The following TUB variants were observed in gnomAD, a reference collection of about 807,000 sequenced individuals.
TUB encodes TUB bipartite transcription factor, also known as tubby protein homolog.
Under a neutral mutation model 59.7 loss-of-function variants are expected in TUB, and 33 were observed. The observed-to-expected ratio is 0.55, with a 90% CI of 0.42 to 0.74. The LOEUF (loss-of-function observed/expected upper bound fraction) is 0.74. TUB is among the 30% of genes least tolerant of loss of function. The probability of loss-of-function intolerance (pLI) is 0.00; values close to 1 mark genes in which losing one functional copy is unlikely to be tolerated. For missense variants in TUB, 659 were observed against 672.0 expected, an observed-to-expected ratio of 0.98 and a Z score of 0.21; for synonymous variants, 293 against 256.4, an observed-to-expected ratio of 1.14 and a Z score of -1.36.
chr11:8,075,862 G>C (rs1943440421), intron 2 of TUB: 1 of 152,276 alleles, frequency 6.6e-6, no homozygotes, highest in Non-Finnish European at 1.5e-5. Context: ...AGGTAGGAGA[G>C]GAGATGGTTG....
intron 9 of TUB, 90 bp downstream of exon 9, chr11:8,098,965 T>C: frequency 1.0e-6 from 1 of 955,792 alleles, no homozygotes; most frequent in Non-Finnish European, 1.7e-6. Flanking sequence ...CCATCCATCT[T>C]AGTGGGTAGA....
In TUB at chr11:8,101,780, T is replaced by G; in HGVS notation, c.*161T>G. Reference sequence around the variant, plus strand: ...CCAGCCAGCCAGGAACTGGCTCCTTTGCCTCTGCTACTGAGGCAGGGGAGT... The same window carrying G: ...CCAGCCAGCCAGGAACTGGCTCCTTGGCCTCTGCTACTGAGGCAGGGGAGT... On this transcript the variant is annotated 3_prime_UTR_variant, in exon 12 of 12. Transcript: ENST00000299506. The G allele has an allele frequency of 5.6e-6, 7 of 1,242,124 alleles. No homozygotes were observed. The highest frequency in any genetic ancestry group is 4.3e-6 in the Non-Finnish European group (4 of 940,756). 76.9% of individuals were successfully genotyped at this position (1,242,124 alleles called of 1,614,324 possible).
intron 1 of TUB, among the ~76,000 whole-genome samples, chr11:8,089,341 G>A (rs1227291143): frequency 1.3e-5 from 2 of 152,128 alleles, no homozygotes; most frequent in Non-Finnish European, 2.9e-5. Context: ...GGGATCTGAG[G>A]GGAGGGTCTC....
intron 8 of TUB, 115 bp from the exon 9 acceptor site, chr11:8,098,643 T>G (rs1162088603): frequency 1.3e-6 from 1 of 749,662 alleles, no homozygotes. Flanking sequence ...TCCCTGGGCC[T>G]GCTCCTGTTC....
intron 2 of TUB, among the ~76,000 whole-genome samples, chr11:8,058,435 G>A (rs940475168): frequency 6.6e-6 from 1 of 152,190 alleles, no homozygotes; most frequent in Non-Finnish European, 1.5e-5. Context: ...TGGCCATGGC[G>A]AGGGTGGCTA....
At chr11:8,041,597 C>G (rs901941714) in intron 2 of TUB, among the ~76,000 whole-genome samples, 13 of 152,154 alleles carry the variant, frequency 8.5e-5, no homozygotes, top group Admixed American at 7.9e-4. Context: ...AAACCTTAAT[C>G]TTTGTGTACC....
chr11:8,074,770 G>A (rs1423732597), intron 2 of TUB, among the ~76,000 whole-genome samples: 2 of 128,422 alleles, frequency 1.6e-5, no homozygotes, highest in Non-Finnish European at 3.2e-5. Context: ...TTTTTGAGAC[G>A]GAGTCTCGCT....
chr11:8,076,403 CTGAAATT>C (rs1943448679), upstream of TUB: 3 of 152,230 alleles, frequency 2.0e-5, no homozygotes, highest in Admixed American at 2.0e-4. Context: ...AAGGCTGTCT[CTGAAATT>C]CATTCTAAAC....
chr11:8,069,853 C>T lies in TUB; in HGVS notation c.204-19757C>T, dbSNP rs367963751. 1.3e-5 allele frequency among the ~76,000 whole-genome samples: 2 copies of T among 151,826 alleles called. 1 individual carries two copies. Among genetic ancestry groups the T allele is most frequent in the Admixed American group, 1.3e-4 (2 of 15,272 alleles). The stretch of plus-strand genomic sequence containing the variant: ...TTCATGGCTCTGAAAATGGTAAAAA[C>T]GGCCATTGATTGAGAGAAACAGGCA... On this transcript the variant is annotated intron_variant, in intron 2 of 12. Coordinates refer to the TUB transcript ENST00000305253.
intron 3 of TUB, among the ~76,000 whole-genome samples, chr11:8,093,102 G>T (rs6578926): frequency 6.6e-6 from 1 of 151,982 alleles, no homozygotes; most frequent in South Asian, 2.1e-4. Flanking sequence ...TAAACAGATG[G>T]TCACGGGGTT....
At chr11:8,094,979 G>C (rs976090748) in intron 4 of TUB, among the ~76,000 whole-genome samples, 3 of 152,242 alleles carry the variant, frequency 2.0e-5, no homozygotes, top group African/African-American at 7.2e-5. Flanking sequence ...GCTGACGTAG[G>C]ATGGGAGATG....
At chr11:8,075,564 T>C (rs963137584) in intron 2 of TUB, 7 of 152,210 alleles carry the variant, frequency 4.6e-5, no homozygotes, top group Admixed American at 3.3e-4. Context: ...CAAACTTTAT[T>C]TTTGTCTCCC....
chr11:8,061,223 C>A (rs903935683), intron 2 of TUB, among the ~76,000 whole-genome samples: 2 of 152,216 alleles, frequency 1.3e-5, no homozygotes, highest in Admixed American at 1.3e-4. Flanking sequence ...AGCGACGATG[C>A]CACCTGTGTG....
At chr11:8,053,932 G>A (rs1182191846) in intron 2 of TUB, among the ~76,000 whole-genome samples, 2 of 151,248 alleles carry the variant, frequency 1.3e-5, no homozygotes, top group African/African-American at 2.4e-5. Context: ...TGGCTAACAC[G>A]GTGAAACCCC....
intron 8 of TUB, 44 bp from the exon 9 acceptor site, chr11:8,098,714 G>A (rs1944117277): frequency 6.9e-7 from 1 of 1,440,206 alleles, no homozygotes; most frequent in African/African-American, 1.4e-5. Flanking sequence ...CCTGCTCTGG[G>A]GCAGAGGGTG....
At chr11:8,026,299 A>G (rs1355970733) in intron 1 of TUB, among the ~76,000 whole-genome samples, 1 of 151,896 alleles carries the variant, frequency 6.6e-6, no homozygotes, top group Non-Finnish European at 1.5e-5. Flanking sequence ...TTTGCTTTTG[A>G]TGAAATCCAG....
chr11:8,065,779 G>A (rs149326696), intron 2 of TUB, among the ~76,000 whole-genome samples: 13 of 152,246 alleles, frequency 8.5e-5, no homozygotes, highest in Admixed American at 5.2e-4. Flanking sequence ...ATTTGGTGAC[G>A]TGGAATAGTT....
rs538840907 is a variant in TUB at position 8,070,392 on chromosome 11, T to C, written c.204-19218T>C. On this transcript the variant is annotated intron_variant, in intron 2 of 12. Coordinates refer to the TUB transcript ENST00000305253. ...TTTCATATGTAGTCTTGTACCACTGTAAATGAGATCTTTTTCATTCTCATT... is the reference window on the plus strand; with the variant it reads ...TTTCATATGTAGTCTTGTACCACTGCAAATGAGATCTTTTTCATTCTCATT... Among the ~76,000 whole-genome samples, 4 of 152,350 alleles carry C rather than the reference T, an allele frequency of 2.6e-5. No homozygotes were observed. The East Asian group carries it at 7.7e-4, about 29-fold the overall frequency.
intron 2 of TUB, among the ~76,000 whole-genome samples, chr11:8,056,206 G>T (rs1943018315): frequency 6.6e-6 from 1 of 152,172 alleles, no homozygotes; most frequent in African/African-American, 2.4e-5. Context: ...GTCACCACGA[G>T]GAAGTGCACC....
Sources: gnomAD v4.1 joint callset for allele counts (sites outside exome capture counted in the v4.1 genomes callset) on GRCh38, gnomAD v4.1.1 for gene constraint, MANE v1.5 for transcripts, NCBI Gene and HGNC (gene_info 2026-07-23, HGNC 2026-07-21) for gene names.